Variants in MGST1 observed in about 807,000 individuals in gnomAD.
MGST1 encodes microsomal glutathione S-transferase 1.
Under a neutral mutation model 8.9 loss-of-function variants are expected in MGST1, and 5 were observed. The ratio of observed to expected loss-of-function variants is 0.56; its 90% CI spans 0.29 to 1.19. MGST1 has a LOEUF of 1.19. MGST1 is among the 50% of genes most tolerant of loss of function. The pLI is 0.08. For missense variants in MGST1, 182 were observed against 187.4 expected, an observed-to-expected ratio of 0.97 and a Z score of 0.17; for synonymous variants, 54 against 67.8, an observed-to-expected ratio of 0.80 and a Z score of 1.00.
In MGST1 at chr12:16,357,595, A is replaced by T. The variant is rs1196377558; in HGVS notation, c.127-10A>T. The stretch of plus-strand genomic sequence containing the variant: ...TTTGAAATAAGTTTTTTTTCTTGGT[A>T]TTTGGATAGGTTTTTGCCAATCCAG... On this transcript the variant is annotated splice_polypyrimidine_tract_variant and intron_variant, in intron 2 of 3. Transcript: ENST00000396210. 3 of 1,604,776 alleles carry T rather than the reference A, an allele frequency of 1.9e-6. No individual in the cohort carries two copies. Among genetic ancestry groups the T allele is most frequent in the Admixed American group, 1.7e-5 (1 of 58,158 alleles).
At chr12:16,399,712 T>G in intron 1 of MGST1, 14 of 1,249,884 alleles carry the variant, frequency 1.1e-5, no homozygotes, top group Non-Finnish European at 3.5e-6. Context: ...ACAATGGTCT[T>G]TATTGCTTTA....
intron 1 of MGST1, among the ~76,000 whole-genome samples, chr12:16,436,091 C>G (rs1940983646): frequency 6.6e-6 from 1 of 151,854 alleles, no homozygotes. Flanking sequence ...AAACTACAAA[C>G]TCTGAGTTCC....
At chr12:16,574,700 C>T (rs1323333710) in intron 4 of MGST1, among the ~76,000 whole-genome samples, 1 of 152,146 alleles carries the variant, frequency 6.6e-6, no homozygotes, top group African/African-American at 2.4e-5. Flanking sequence ...AGAAAAATGG[C>T]TTGTTTCCAA....
intron 1 of MGST1, among the ~76,000 whole-genome samples, chr12:16,432,969 G>T (rs555495676): frequency 6.6e-6 from 1 of 151,950 alleles, no homozygotes; most frequent in Non-Finnish European, 1.5e-5. Flanking sequence ...GTATTAGTCA[G>T]GGTTCTCTAG....
intron 4 of MGST1, among the ~76,000 whole-genome samples, chr12:16,570,431 C>G (rs1413483107): frequency 2.6e-5 from 4 of 151,492 alleles, no homozygotes; most frequent in Non-Finnish European, 5.9e-5. Context: ...GTAATTAAGG[C>G]ACTTCAAATA....
chr12:16,402,467 C>A, intron 1 of MGST1: 1 of 1,560,528 alleles, frequency 6.4e-7, no homozygotes. Flanking sequence ...CACGCGATGT[C>A]CCGGCTCTGC....
rs770582269 is a variant in MGST1, at chr12:16,361,573, G to A, written c.222-2222G>A. 6.6e-5 allele frequency among the ~76,000 whole-genome samples: 10 copies of A among 152,164 alleles called. No individual in the cohort carries two copies. Among genetic ancestry groups the A allele is most frequent in the South Asian group, 2.1e-4 (1 of 4,828 alleles). ...TGGCACTAACGTGAAGGAAGCTGCC[G>A]CTCCAGGAAGGAGTCTGTCGTTGGA... On this transcript the variant is annotated intron_variant, in intron 3 of 3. Transcript: ENST00000396210. The surrounding 1 kb of genome is among the most constrained non-coding windows in gnomAD (Gnocchi z 4.2).
intron 4 of MGST1, among the ~76,000 whole-genome samples, chr12:16,588,249 T>C (rs1159274624): frequency 1.3e-5 from 2 of 151,932 alleles, no homozygotes; most frequent in Admixed American, 6.6e-5. Context: ...TATAAATATA[T>C]ACAAATATAC....
chr12:16,399,440 G>A lies in MGST1; in HGVS notation n.778+15836G>A, dbSNP rs536664863. On this transcript the variant is annotated intron_variant and non_coding_transcript_variant, in intron 1 of 1. Transcript: ENST00000359720. ...AACAACTTTCTTGGTCCGCTTTTCG[G>A]GCTTCTTCCTCCAGTTCATCCCAAT... 73 of 1,543,560 alleles carry A rather than the reference G, an allele frequency of 4.7e-5. No individual in the cohort carries two copies. The African/African-American group carries it at 8.2e-4, about 17-fold the overall frequency.
chr12:16,488,670 T>A (rs1941416119), intron 4 of MGST1, among the ~76,000 whole-genome samples: 1 of 152,072 alleles, frequency 6.6e-6, no homozygotes, highest in Non-Finnish European at 1.5e-5. Flanking sequence ...TACATATTAT[T>A]TTAATGTACA....
chr12:16,456,062 A>C (rs1372750765), intron 4 of MGST1, among the ~76,000 whole-genome samples: 1 of 151,926 alleles, frequency 6.6e-6, no homozygotes, highest in African/African-American at 2.4e-5. Context: ...TCTATGTCAA[A>C]TATAGGTACA....
intron 4 of MGST1, among the ~76,000 whole-genome samples, chr12:16,529,102 G>A (rs1403460539): frequency 6.6e-6 from 1 of 151,886 alleles, no homozygotes; most frequent in African/African-American, 2.4e-5. Flanking sequence ...GGGCACTCTT[G>A]GCTTTTCTGT....
In MGST1 at chr12:16,513,931, C is replaced by G. The variant is rs770835081; in HGVS notation, n.483-75597C>G. 1.8e-6 allele frequency: 1 copy of G among 550,030 alleles called. No homozygotes were observed. The highest frequency in any genetic ancestry group is 3.5e-6 in the Non-Finnish European group (1 of 285,430). The allele number at this position is 550,030 out of a possible 1,614,324, so 34.1% of individuals were successfully genotyped here. A position where few individuals can be genotyped will look rare whatever the true frequency, so the allele number is the denominator to read the frequency against. The stretch of plus-strand genomic sequence containing the variant: ...GCTACAAGGTTATCGATACTATGAC[C>G]GCAAGACTTGCGGTTTTGACTTCAC... On this transcript the variant is annotated intron_variant and non_coding_transcript_variant, in intron 4 of 4. Coordinates refer to the MGST1 transcript ENST00000538857. This position sits in a 1 kb window ranked among gnomAD's most constrained non-coding sequence, Gnocchi z 4.2.
chr12:16,434,467 C>T (rs1390195524), intron 1 of MGST1, among the ~76,000 whole-genome samples: 1 of 127,498 alleles, frequency 7.8e-6, no homozygotes, highest in Non-Finnish European at 1.8e-5. Flanking sequence ...TGTGTGTTTC[C>T]GTTCAATTTT....
Position 16,401,990 on chromosome 12 carries a change from T to C in MGST1, n.778+18386T>C. ...AGTCATTCCAGCTCTTCATGAACTCTCCAGGGAATTTGTCTTTGCTGAACA... is the reference window on the plus strand; with the variant it reads ...AGTCATTCCAGCTCTTCATGAACTCCCCAGGGAATTTGTCTTTGCTGAACA... On this transcript the variant is annotated intron_variant and non_coding_transcript_variant, in intron 1 of 1. Coordinates refer to the MGST1 transcript ENST00000359720. The surrounding 1 kb of genome is among the most constrained non-coding windows in gnomAD (Gnocchi z 4.3). The C allele has an allele frequency of 6.2e-7, 1 of 1,612,152 alleles. No homozygotes were observed. The highest frequency in any genetic ancestry group is 1.1e-5 in the South Asian group (1 of 91,048).
At chr12:16,360,315 T>C in intron 3 of MGST1, 1 of 984,796 alleles carries the variant, frequency 1.0e-6, no homozygotes, top group South Asian at 4.7e-5. Flanking sequence ...GTAAAGCTGT[T>C]ACGATTAGCA....
chr12:16,475,713 G>A (rs1219338772), intron 4 of MGST1, among the ~76,000 whole-genome samples: 1 of 152,160 alleles, frequency 6.6e-6, no homozygotes, highest in Non-Finnish European at 1.5e-5. Flanking sequence ...GGAATGATTA[G>A]TGGCTCTTAG....
rs745377837 is a variant in MGST1 at position 16,560,430 on chromosome 12, A to G, written n.483-29098A>G. 1 of 1,613,774 alleles carries G rather than the reference A, an allele frequency of 6.2e-7. No homozygotes were observed. The highest frequency in any genetic ancestry group is 8.5e-7 in the Non-Finnish European group (1 of 1,179,790). ...CTGCTTACCTCTGATTACAAAGCTG[A>G]CATGCAAAGCAGTCCAGGTGGTAAA... On this transcript the variant is annotated intron_variant and non_coding_transcript_variant, in intron 4 of 4. Coordinates refer to the MGST1 transcript ENST00000538857. This position sits in a 1 kb window ranked among gnomAD's most constrained non-coding sequence, Gnocchi z 5.0.
chr12:16,395,037 T>C (rs189274885), intron 1 of MGST1, among the ~76,000 whole-genome samples: 1 of 152,228 alleles, frequency 6.6e-6, no homozygotes, highest in Non-Finnish European at 1.5e-5. Context: ...GATAAGGTTT[T>C]CATTTTAATG....
Sources: allele counts gnomAD v4.1 joint callset (sites outside exome capture counted in the v4.1 genomes callset), GRCh38; gene constraint gnomAD v4.1.1; non-coding constraint Gnocchi (gnomAD v3.1); transcripts MANE v1.5; gene names NCBI Gene and HGNC (gene_info 2026-07-23, HGNC 2026-07-21).